Variants in PPM1B observed in about 807,000 individuals in gnomAD.
PPM1B encodes protein phosphatase, Mg2+/Mn2+ dependent 1B.
PPM1B carries 22 observed loss-of-function variants against 43.0 expected under a neutral mutation model. That is an observed-to-expected ratio of 0.51 (90% CI 0.37 to 0.73). The LOEUF (loss-of-function observed/expected upper bound fraction) is 0.73, where lower values mean the gene tolerates loss of function less well. PPM1B is among the 30% of genes least tolerant of loss of function. PPM1B has a pLI of 0.00. For synonymous variants in PPM1B, 217 were observed against 197.9 expected (o/e 1.10, Z -0.81); for missense variants, 632 against 584.2 (o/e 1.08, Z -0.84).
At chr2:44,197,617 T>A (rs910938860) in intron 1 of PPM1B, among the ~76,000 whole-genome samples, 1 of 152,182 alleles carries the variant, frequency 6.6e-6, no homozygotes, top group Non-Finnish European at 1.5e-5. Flanking sequence ...ATAACTATTA[T>A]TTATTTTTTA....
At chr2:44,173,516 C>A (rs1227212194) in intron 1 of PPM1B, among the ~76,000 whole-genome samples, 1 of 152,134 alleles carries the variant, frequency 6.6e-6, no homozygotes, top group East Asian at 1.9e-4. Context: ...ACCATAAACA[C>A]TTTACTTCTG....
chr2:44,241,366 G>C (rs755109321), intron 5 of PPM1B, among the ~76,000 whole-genome samples: 2 of 144,870 alleles, frequency 1.4e-5, no homozygotes, highest in Non-Finnish European at 3.1e-5. Context: ...CACCAGCTTG[G>C]TCATATCTCA....
chr2:44,202,630 T>A (rs1668993723), intron 2 of PPM1B, among the ~76,000 whole-genome samples: 1 of 152,234 alleles, frequency 6.6e-6, no homozygotes, highest in Non-Finnish European at 1.5e-5. Flanking sequence ...TTGGATAGTA[T>A]CTTTTGTAGA....
chr2:44,209,777 CAAA>C (rs533636045), intron 3 of PPM1B, among the ~76,000 whole-genome samples: 10 of 96,230 alleles, frequency 1.0e-4, no homozygotes, highest in Admixed American at 1.2e-4. Flanking sequence ...ACTCCGTCTC[CAAA>C]AAAAAAAAAA....
At chr2:44,230,354 A>G (rs750671547) in intron 5 of PPM1B, 59 bp from the exon 6 acceptor site, 9 of 1,579,980 alleles carry the variant, frequency 5.7e-6, no homozygotes, top group Middle Eastern at 1.7e-4. Context: ...ATGTGTTATG[A>G]AATACATGTG....
Position 44,194,691 on chromosome 2 carries a change from C to G in PPM1B, c.-14-6495C>G, listed in dbSNP as rs890183791. Among the ~76,000 whole-genome samples, 3 of 151,638 alleles carry G rather than the reference C, an allele frequency of 2.0e-5. No homozygotes were observed. The South Asian group carries it at 6.2e-4, about 32-fold the overall frequency. ...TGAGCCGAGATCGCGCTACTGCACT[C>G]CAGCCTGGGCGACAGAGGAAGACTC... On this transcript the variant is annotated intron_variant, in intron 1 of 5. Coordinates refer to ENST00000282412, the MANE Select transcript of PPM1B (RefSeq NM_002706.6).
In PPM1B at chr2:44,201,463, T is replaced by G. The variant is rs763277794; in HGVS notation, c.264T>G (p.Ala88=). The G allele has an allele frequency of 2.5e-6, 4 of 1,614,202 alleles. No homozygotes were observed. Among genetic ancestry groups the G allele is most frequent in the Non-Finnish European group, 3.4e-6 (4 of 1,180,022 alleles). ...CTACTAACGAAGACTTTAGGGCAGCTGGAAAATCAGGATCTGCTCTTGAGC... is the reference window on the plus strand; with the variant it reads ...CTACTAACGAAGACTTTAGGGCAGCGGGAAAATCAGGATCTGCTCTTGAGC... ...HITTNEDFRA[A]GKSGSALELS... is the part of the protein sequence containing the mutation. The change falls in exon 2 of 6, where the codon GCT becomes GCG. Residue 88 remains alanine (A), a synonymous_variant. Coordinates refer to ENST00000282412, the MANE Select transcript of PPM1B (RefSeq NM_002706.6). This position sits in a 1 kb window ranked among gnomAD's most constrained non-coding sequence, Gnocchi z 5.4.
intron 1 of PPM1B, among the ~76,000 whole-genome samples, chr2:44,189,695 C>T (rs1558398274): frequency 6.6e-6 from 1 of 152,044 alleles, no homozygotes; most frequent in Non-Finnish European, 1.5e-5. Flanking sequence ...GAACTCCTGA[C>T]CTCAGTTTAT....
chr2:44,198,378 C>G (rs1668763950), intron 1 of PPM1B, among the ~76,000 whole-genome samples: 1 of 152,138 alleles, frequency 6.6e-6, no homozygotes, highest in South Asian at 2.1e-4. Context: ...CCAGGCTGGT[C>G]TCAAACTCTT....
chr2:44,185,921 A>C (rs549033595), intron 1 of PPM1B, among the ~76,000 whole-genome samples: 1 of 152,290 alleles, frequency 6.6e-6, no homozygotes, highest in African/African-American at 2.4e-5. Flanking sequence ...ATCAGAATTG[A>C]TTTGGAAGAG....
intron 2 of PPM1B, among the ~76,000 whole-genome samples, chr2:44,204,858 CAAAAAAAAA>C (rs368660082): frequency 1.5e-3 from 54 of 36,684 alleles, no homozygotes; most frequent in African/African-American, 2.9e-3. Flanking sequence ...GACTCCGTCT[CAAAAAAAAA>C]AAAAAAAAAA....
chr2:44,187,678 A>G (rs1192704636), intron 1 of PPM1B, among the ~76,000 whole-genome samples: 2 of 151,864 alleles, frequency 1.3e-5, no homozygotes, highest in Non-Finnish European at 2.9e-5. Context: ...TTCTTTGATA[A>G]TTTCATTTCT....
At chr2:44,233,942 A>G (rs1367443204), downstream of PPM1B, 5 of 985,310 alleles carry the variant, frequency 5.1e-6, no homozygotes, top group Non-Finnish European at 6.0e-6. Flanking sequence ...TTATCGTTCA[A>G]ACTGTCCACT....
intron 1 of PPM1B, among the ~76,000 whole-genome samples, chr2:44,187,020 C>T (rs901764037): frequency 1.3e-5 from 2 of 152,190 alleles, no homozygotes; most frequent in African/African-American, 4.8e-5. Context: ...TATTGTGCAA[C>T]AAATCTCCAG....
intron 1 of PPM1B, among the ~76,000 whole-genome samples, chr2:44,190,192 G>A (rs1304728786): frequency 1.6e-5 from 2 of 123,956 alleles, no homozygotes; most frequent in African/African-American, 6.2e-5. Context: ...GTCTTGCCCT[G>A]TTGCCCAGGC....
chr2:44,201,103 G>A lies in PPM1B; in HGVS notation c.-14-83G>A, dbSNP rs73924234. On this transcript the variant is annotated intron_variant, in intron 1 of 5. Transcript: ENST00000282412. This position sits in a 1 kb window ranked among gnomAD's most constrained non-coding sequence, Gnocchi z 5.4. ...AATACTAAAAAAAATACTTGAGGTAGGAGTTACTAGACTATAGAGGGAATA... is the reference window on the plus strand; with the variant it reads ...AATACTAAAAAAAATACTTGAGGTAAGAGTTACTAGACTATAGAGGGAATA... The A allele has an allele frequency of 7.9e-3, 10,673 of 1,346,120 alleles. 691 individuals are homozygous for A. In the African/African-American group the frequency reaches 0.14, roughly 17 times the overall value. The allele number at this position is 1,346,120 out of a possible 1,614,324, so 83.4% of individuals were successfully genotyped here. A position where few individuals can be genotyped will look rare whatever the true frequency, so the allele number is the denominator to read the frequency against.
At position 44,174,619 on chromosome 2, in the gene PPM1B, T is replaced by G. The variant is rs144869563; in HGVS notation, c.-15+5345T>G. ...AGAAAATAAAACAAATGAATAAGTG[T>G]TGTTTGCCAGAGAAGAAGCAGTTCT... On this transcript the variant is annotated intron_variant, in intron 1 of 5. Transcript: ENST00000282412. Among the ~76,000 whole-genome samples, 858 of 152,384 alleles carry G rather than the reference T, an allele frequency of 5.6e-3. 1 individual carries two copies. The highest frequency in any genetic ancestry group is 9.9e-3 in the Non-Finnish European group (674 of 68,036).
intron 4 of PPM1B, 138 bp downstream of exon 4, chr2:44,218,216 T>G: frequency 1.4e-6 from 1 of 707,930 alleles, no homozygotes; most frequent in East Asian, 2.8e-5. Context: ...AGAGAAGAAC[T>G]CTTAAAACTT....
chr2:44,218,596 A>G (rs935854831), intron 5 of PPM1B, 59 bp downstream of exon 5: 5 of 1,129,344 alleles, frequency 4.4e-6, no homozygotes, highest in Middle Eastern at 2.1e-4. Context: ...AATACTAAAT[A>G]TGAATACATT....
Sources: allele counts gnomAD v4.1 joint callset (sites outside exome capture counted in the v4.1 genomes callset), GRCh38; gene constraint gnomAD v4.1.1; non-coding constraint Gnocchi (gnomAD v3.1); transcripts MANE v1.5; gene names NCBI Gene and HGNC (gene_info 2026-07-23, HGNC 2026-07-21).